Variants in PPP2R2B observed in about 807,000 individuals in gnomAD.
PPP2R2B encodes the protein serine/threonine-protein phosphatase 2A 55 kDa regulatory subunit B beta isoform.
In PPP2R2B, 5 loss-of-function variants were observed where a neutral mutation model predicts 46.0. The observed-to-expected ratio is 0.11, with a 90% CI of 0.06 to 0.23. The LOEUF is 0.23. PPP2R2B is among the 10% of genes least tolerant of loss of function. PPP2R2B has a pLI of 1.00. For missense variants in PPP2R2B, 367 were observed against 575.0 expected, an observed-to-expected ratio of 0.64 and a Z score of 3.70; for synonymous variants, 215 against 206.7, an observed-to-expected ratio of 1.04 and a Z score of -0.34.
intron 1 of PPP2R2B, among the ~76,000 whole-genome samples, chr5:146,971,917 C>A (rs1374716867): frequency 6.6e-6 from 1 of 152,192 alleles, no homozygotes; most frequent in Non-Finnish European, 1.5e-5. Flanking sequence ...CTCATATCTC[C>A]ATGGTACACT....
chr5:146,879,026 C>T, upstream of PPP2R2B: 1 of 724,968 alleles, frequency 1.4e-6, no homozygotes, highest in Non-Finnish European at 1.8e-6. Flanking sequence ...GCACCCAGAG[C>T]CCCTAGCTCC....
At chr5:146,981,002 C>T (rs1376390525) in intron 1 of PPP2R2B, among the ~76,000 whole-genome samples, 1 of 152,076 alleles carries the variant, frequency 6.6e-6, no homozygotes, top group Non-Finnish European at 1.5e-5. Context: ...AAAAAGATAT[C>T]TACATCTAGA....
At chr5:146,932,232 T>C (rs1474793047) in intron 1 of PPP2R2B, among the ~76,000 whole-genome samples, 1 of 152,176 alleles carries the variant, frequency 6.6e-6, no homozygotes, top group Non-Finnish European at 1.5e-5. Context: ...TTTATCAAGG[T>C]ATCAGCCTGT....
Position 146,935,234 on chromosome 5 carries a change from C to T in PPP2R2B, c.79+120431G>A, listed in dbSNP as rs1764101360. Among the ~76,000 whole-genome samples, 3 of 152,214 alleles carry T rather than the reference C, an allele frequency of 2.0e-5. No individual in the cohort carries two copies. In the South Asian group the frequency reaches 6.2e-4, roughly 32 times the overall value. Reference sequence around the variant, plus strand: ...GAGCCCTCACAAATGGAATTAGTGCCATTATGTAATAGGCTCCAGATAGAT... The same window carrying T: ...GAGCCCTCACAAATGGAATTAGTGCTATTATGTAATAGGCTCCAGATAGAT... On this transcript the variant is annotated intron_variant, in intron 1 of 8. Transcript: ENST00000336640.
At chr5:146,942,846 G>A (rs558439841) in intron 1 of PPP2R2B, among the ~76,000 whole-genome samples, 1 of 151,158 alleles carries the variant, frequency 6.6e-6, no homozygotes, top group Admixed American at 6.6e-5. Context: ...CACCCAGGCT[G>A]GAATGCAGTG....
intron 1 of PPP2R2B, chr5:147,054,783 A>G: frequency 2.3e-6 from 1 of 441,982 alleles, no homozygotes; most frequent in Non-Finnish European, 4.6e-6. Flanking sequence ...TTTCAATCAA[A>G]TGCCACTAGT....
chr5:146,952,933 T>C (rs942274171), intron 1 of PPP2R2B, among the ~76,000 whole-genome samples: 6 of 152,054 alleles, frequency 3.9e-5, no homozygotes, highest in Admixed American at 1.3e-4. Context: ...GTGAGAGGGG[T>C]AGGGGACTAA....
chr5:146,830,589 A>T (rs1758866511), intron 2 of PPP2R2B, among the ~76,000 whole-genome samples: 1 of 150,730 alleles, frequency 6.6e-6, no homozygotes, highest in Non-Finnish European at 1.5e-5. Context: ...TAGTGGCATG[A>T]TCTTGGCTCA....
At chr5:146,877,858 G>A (rs1761987896) in intron 2 of PPP2R2B, 144 bp downstream of exon 2, 1 of 954,416 alleles carries the variant, frequency 1.0e-6, no homozygotes, top group African/African-American at 1.7e-5. Flanking sequence ...AGGTGCACTG[G>A]GGCTGCCGGG....
intron 2 of PPP2R2B, among the ~76,000 whole-genome samples, chr5:147,068,811 T>C (rs1757488754): frequency 6.6e-6 from 1 of 152,218 alleles, no homozygotes; most frequent in South Asian, 2.1e-4. Flanking sequence ...ACTGCTTGAA[T>C]ATCATTGGTA....
intron 2 of PPP2R2B, among the ~76,000 whole-genome samples, chr5:146,875,198 A>T (rs377147944): frequency 1.6e-4 from 24 of 152,292 alleles, no homozygotes; most frequent in African/African-American, 4.6e-4. Flanking sequence ...TCCATTTAAC[A>T]GGGTTTAGAT....
Position 146,589,874 on chromosome 5 carries a change from A to T in PPP2R2B, c.*73T>A. 1 of 1,415,424 alleles carries T rather than the reference A, an allele frequency of 7.1e-7. No individual in the cohort carries two copies. The highest frequency in any genetic ancestry group is 9.8e-7 in the Non-Finnish European group (1 of 1,025,214). 87.7% of individuals were successfully genotyped at this position (1,415,424 alleles called of 1,614,324 possible). ...ATTAAAGTCAATGCATCAAATGAAG[A>T]CCCAAAGAAACATTTAAAAACTTGT... is the stretch of plus-strand genomic sequence containing the variant. On this transcript the variant is annotated 3_prime_UTR_variant, in exon 10 of 10. Coordinates refer to ENST00000394411, the MANE Select transcript of PPP2R2B (RefSeq NM_181675.4).
chr5:146,808,585 C>T (rs559133719), intron 2 of PPP2R2B, among the ~76,000 whole-genome samples: 1 of 152,302 alleles, frequency 6.6e-6, no homozygotes, highest in South Asian at 2.1e-4. Context: ...TAAAACTTGA[C>T]CCTGACTTCA....
chr5:146,586,763 G>C lies in PPP2R2B; in HGVS notation c.*3184C>G, dbSNP rs979896305. 1 of 152,048 alleles carries C rather than the reference G, an allele frequency of 6.6e-6. No individual in the cohort carries two copies. The highest frequency in any genetic ancestry group is 2.4e-5 in the African/African-American group (1 of 41,414). The allele number at this position is 152,048 out of a possible 1,614,324, so 9.4% of individuals were successfully genotyped here. On this transcript the variant is annotated 3_prime_UTR_variant, in exon 10 of 10. Transcript: ENST00000394411. ...AGTAAAGGCAGGAGCCAAACTTGAAGGAGTTAAGAAGCAACTTGATTCCCA... is the reference window on the plus strand; with the variant it reads ...AGTAAAGGCAGGAGCCAAACTTGAACGAGTTAAGAAGCAACTTGATTCCCA...
At position 146,582,700 on chromosome 5, in the gene PPP2R2B, A is replaced by G. The variant is rs1414872334; in HGVS notation, c.*7247T>C. 2 of 152,180 alleles carry G rather than the reference A, an allele frequency of 1.3e-5. No homozygotes were observed. Among genetic ancestry groups the G allele is most frequent in the East Asian group, 3.9e-4 (2 of 5,190 alleles). The allele number at this position is 152,180 out of a possible 1,614,324, so 9.4% of individuals were successfully genotyped here. ...CATTCATTCAACAAAACTTTTGAGC[A>G]CCTACTATGAGCCAGACAATGTTCT... On this transcript the variant is annotated 3_prime_UTR_variant, in exon 10 of 10. Transcript: ENST00000394411.
chr5:146,685,882 C>A (rs147040581), intron 5 of PPP2R2B, among the ~76,000 whole-genome samples: 1 of 152,090 alleles, frequency 6.6e-6, no homozygotes, highest in South Asian at 2.1e-4. Context: ...GCCCTCACCC[C>A]CCGCCTTCCA....
intron 6 of PPP2R2B, among the ~76,000 whole-genome samples, chr5:146,645,871 A>T (rs385429): frequency 0.031 from 4,794 of 152,214 alleles, 239 homozygotes; most frequent in African/African-American, 0.11. Context: ...CTGGGCTTCA[A>T]AAATAGTGGC....
At chr5:146,698,317 A>T (rs11743315) in intron 3 of PPP2R2B, among the ~76,000 whole-genome samples, 173 bp from the exon 4 acceptor site, 12 of 85,646 alleles carry the variant, frequency 1.4e-4, no homozygotes, top group Admixed American at 1.9e-4. Flanking sequence ...AAAAAAAAAA[A>T]ATATATATAT....
chr5:146,880,457 T>G (rs1762129680), upstream of PPP2R2B, among the ~76,000 whole-genome samples: 1 of 152,184 alleles, frequency 6.6e-6, no homozygotes, highest in Non-Finnish European at 1.5e-5. Context: ...AGTTACACAT[T>G]GCAGCTTCTC....
Sources: allele counts gnomAD v4.1 joint callset (sites outside exome capture counted in the v4.1 genomes callset), GRCh38; gene constraint gnomAD v4.1.1; transcripts MANE v1.5; gene names NCBI Gene and HGNC (gene_info 2026-07-23, HGNC 2026-07-21).